IMPG1: variants seen among roughly 807,000 people sequenced by gnomAD.
IMPG1 encodes the protein interphotoreceptor matrix proteoglycan of 150 kDa.
In IMPG1, 85 loss-of-function variants were observed where a neutral mutation model predicts 92.0. That is an observed-to-expected ratio of 0.92 (90% CI 0.78 to 1.11). The LOEUF is 1.11. IMPG1 is among the 50% of genes least tolerant of loss of function. The probability of loss-of-function intolerance (pLI) is 0.00; values close to 1 mark genes in which losing one functional copy is unlikely to be tolerated. For missense variants in IMPG1, 1,022 were observed against 956.0 expected, an observed-to-expected ratio of 1.07 and a Z score of -0.91; for synonymous variants, 367 against 334.1, an observed-to-expected ratio of 1.10 and a Z score of -1.08.
chr6:75,981,043 T>C (rs1782619067), intron 12 of IMPG1, among the ~76,000 whole-genome samples: 2 of 152,180 alleles, frequency 1.3e-5, no homozygotes, highest in Admixed American at 1.3e-4. Flanking sequence ...CAATTTGTCA[T>C]GGGGAAATTT....
intron 12 of IMPG1, among the ~76,000 whole-genome samples, chr6:75,972,253 G>T (rs1782434296): frequency 2.0e-5 from 3 of 152,060 alleles, no homozygotes. Context: ...AAAGTGCCCA[G>T]CCCCGTTCCC....
chr6:75,939,928 C>T (rs1047270094), intron 14 of IMPG1, among the ~76,000 whole-genome samples: 5 of 152,232 alleles, frequency 3.3e-5, no homozygotes, highest in African/African-American at 9.6e-5. Context: ...TCTGGCCTCT[C>T]TGCCCTTGCT....
At chr6:75,951,896 C>G (rs1782039792) in intron 12 of IMPG1, among the ~76,000 whole-genome samples, 1 of 152,052 alleles carries the variant, frequency 6.6e-6, no homozygotes, top group African/African-American at 2.4e-5. Context: ...GAGCCGAGAT[C>G]ATGCCACTGC....
At chr6:75,924,687 T>C (rs1166267365) in intron 15 of IMPG1, among the ~76,000 whole-genome samples, 67 of 3,324 alleles carry the variant, frequency 0.02, 7 homozygotes, top group South Asian at 0.038. Flanking sequence ...TTATATATTA[T>C]ATATAAATAA....
chr6:76,021,549 T>G (rs976628479), intron 6 of IMPG1, among the ~76,000 whole-genome samples: 1 of 151,992 alleles, frequency 6.6e-6, no homozygotes, highest in Non-Finnish European at 1.5e-5. Context: ...CCACATACCT[T>G]CACACTCAGA....
chr6:76,065,557 C>T (rs895969626), intron 1 of IMPG1, among the ~76,000 whole-genome samples: 3 of 151,974 alleles, frequency 2.0e-5, no homozygotes, highest in Non-Finnish European at 4.4e-5. Flanking sequence ...TTAAAAAGGA[C>T]AAAGCCTTCA....
At chr6:75,969,608 C>T (rs1782368419) in intron 12 of IMPG1, among the ~76,000 whole-genome samples, 1 of 151,936 alleles carries the variant, frequency 6.6e-6, no homozygotes, top group Non-Finnish European at 1.5e-5. Context: ...GGGTGAATGC[C>T]TGTAGTCCCA....
chr6:75,987,276 G>C (rs1477339966), intron 12 of IMPG1, among the ~76,000 whole-genome samples: 2 of 150,710 alleles, frequency 1.3e-5, no homozygotes, highest in East Asian at 3.9e-4. Flanking sequence ...GGGAAGGATC[G>C]TTGAACTTCA....
chr6:75,924,316 T>G (rs990569676), intron 15 of IMPG1, among the ~76,000 whole-genome samples: 1 of 142,876 alleles, frequency 7.0e-6, no homozygotes, highest in African/African-American at 2.7e-5. Context: ...GCACTATTCA[T>G]AATACTCAAG....
chr6:76,039,103 G>T (rs1005744000), intron 2 of IMPG1, among the ~76,000 whole-genome samples: 12 of 152,334 alleles, frequency 7.9e-5, no homozygotes, highest in Middle Eastern at 3.4e-3. Flanking sequence ...TACAACGGGA[G>T]TGTTGGCTAG....
chr6:75,974,657 G>A (rs1582079009), intron 12 of IMPG1, among the ~76,000 whole-genome samples: 1 of 151,024 alleles, frequency 6.6e-6, no homozygotes, highest in African/African-American at 2.4e-5. Flanking sequence ...GGTAGAGATG[G>A]GGTGCCTGCA....
intron 12 of IMPG1, among the ~76,000 whole-genome samples, chr6:75,989,114 G>A (rs969532421): frequency 1.3e-5 from 2 of 152,014 alleles, no homozygotes; most frequent in Non-Finnish European, 2.9e-5. Flanking sequence ...TTAGAAACAA[G>A]GTCTCACACT....
intron 1 of IMPG1, among the ~76,000 whole-genome samples, chr6:76,046,568 T>G (rs1783947641): frequency 6.6e-6 from 1 of 152,192 alleles, no homozygotes; most frequent in Non-Finnish European, 1.5e-5. Flanking sequence ...ATAATGTCAC[T>G]CAACTATTCA....
intron 7 of IMPG1, among the ~76,000 whole-genome samples, chr6:76,013,682 C>T (rs1783231564): frequency 6.6e-6 from 1 of 152,070 alleles, no homozygotes; most frequent in African/African-American, 2.4e-5. Context: ...TTCCATCTAG[C>T]AGATTGTCAT....
At chr6:75,967,550 T>C (rs1224547425) in intron 12 of IMPG1, among the ~76,000 whole-genome samples, 1 of 152,138 alleles carries the variant, frequency 6.6e-6, no homozygotes, top group Non-Finnish European at 1.5e-5. Flanking sequence ...GAAATAAACT[T>C]GTGTATAATC....
At chr6:75,975,686 A>C (rs892516033) in intron 12 of IMPG1, among the ~76,000 whole-genome samples, 6 of 152,130 alleles carry the variant, frequency 3.9e-5, no homozygotes, top group African/African-American at 1.4e-4. Flanking sequence ...TTTTGCATGA[A>C]TTTGCAAATT....
rs549718349 is a variant in IMPG1, at chr6:76,009,092, A to G, written c.867-1592T>C. 7.2e-5 allele frequency among the ~76,000 whole-genome samples: 11 copies of G among 152,268 alleles called. No individual in the cohort carries two copies. The South Asian group carries it at 2.1e-3, about 29-fold the overall frequency. On this transcript the variant is annotated intron_variant, in intron 8 of 16. Coordinates refer to ENST00000369950, the MANE Select transcript of IMPG1 (RefSeq NM_001563.4). The stretch of plus-strand genomic sequence containing the variant: ...AAGTTGTTTATGGCAAGAATATATG[A>G]CAATTTGTTGCCCTGTTGATAGACA...
chr6:75,969,092 A>C (rs1782359297), intron 12 of IMPG1, among the ~76,000 whole-genome samples: 1 of 152,216 alleles, frequency 6.6e-6, no homozygotes, highest in Non-Finnish European at 1.5e-5. Flanking sequence ...TATATGTGGA[A>C]TCTACAAAAG....
intron 13 of IMPG1, 145 bp downstream of exon 13, chr6:75,950,417 C>G (rs184078695): frequency 1.5e-6 from 1 of 676,192 alleles, no homozygotes; most frequent in East Asian, 2.8e-5. Flanking sequence ...TCTCAAAATT[C>G]TAGTTGAATG....
Sources: gnomAD v4.1 joint callset for allele counts (sites outside exome capture counted in the v4.1 genomes callset) on GRCh38, gnomAD v4.1.1 for gene constraint, MANE v1.5 for transcripts, NCBI Gene and HGNC (gene_info 2026-07-23, HGNC 2026-07-21) for gene names.